The following KCNJ6 variants were observed in gnomAD, a reference collection of about 807,000 sequenced individuals.
KCNJ6 encodes the protein G protein-activated inward rectifier potassium channel 2.
A neutral mutation model predicts 34.2 loss-of-function variants in KCNJ6; 9 were observed. That is an observed-to-expected ratio of 0.26 (90% CI 0.16 to 0.46). The LOEUF (loss-of-function observed/expected upper bound fraction) is 0.46. Among genes scored for constraint, KCNJ6 ranks in the 20% least tolerant of loss-of-function variants. The pLI, the probability that KCNJ6 is intolerant of heterozygous loss-of-function variation, is 1.00. For missense variants in KCNJ6, 236 were observed against 531.3 expected (o/e 0.44, Z 5.46); for synonymous variants, 196 against 207.1 (o/e 0.95, Z 0.46).
At chr21:37,646,552 G>T (rs1316586759) in intron 3 of KCNJ6, among the ~76,000 whole-genome samples, 1 of 152,226 alleles carries the variant, frequency 6.6e-6, no homozygotes, top group East Asian at 1.9e-4. Context: ...TCTAGGGAGG[G>T]TTGGCATGTT....
At chr21:37,679,524 A>G (rs2054581471) in intron 3 of KCNJ6, among the ~76,000 whole-genome samples, 1 of 152,274 alleles carries the variant, frequency 6.6e-6, no homozygotes, top group Non-Finnish European at 1.5e-5. Context: ...TACTCAATGA[A>G]TGTTAGTTAT....
chr21:37,658,396 A>G, intron 3 of KCNJ6, among the ~76,000 whole-genome samples: 1 of 152,234 alleles, frequency 6.6e-6, no homozygotes, highest in East Asian at 1.9e-4. Context: ...GCCATTTAAA[A>G]TGGGTCCTGA....
At chr21:37,702,234 CAAAA>C (rs374421896) in intron 3 of KCNJ6, among the ~76,000 whole-genome samples, 1 of 97,810 alleles carries the variant, frequency 1.0e-5, no homozygotes, top group East Asian at 3.4e-4. Flanking sequence ...TTTTGTCTCA[CAAAA>C]AAAAAAAAAA....
intron 3 of KCNJ6, among the ~76,000 whole-genome samples, chr21:37,655,249 G>A (rs879544880): frequency 0.11 from 5,960 of 54,334 alleles, 220 homozygotes; most frequent in African/African-American, 0.17. Context: ...GAGAGAGAGA[G>A]AGAGAGAGAG....
chr21:37,848,172 T>C (rs2055519582), intron 1 of KCNJ6, among the ~76,000 whole-genome samples: 1 of 152,154 alleles, frequency 6.6e-6, no homozygotes, highest in Admixed American at 6.5e-5. Flanking sequence ...GTGAAGACCG[T>C]GGCAACCCAC....
chr21:37,834,516 C>T (rs994517690), intron 2 of KCNJ6, among the ~76,000 whole-genome samples: 3 of 152,256 alleles, frequency 2.0e-5, no homozygotes, highest in Non-Finnish European at 4.4e-5. Context: ...CTCTTGCCTC[C>T]TTTGCCCCCA....
rs185296107 is a variant in KCNJ6 at position 37,755,475 on chromosome 21, A to G, written c.26-40344T>C. On this transcript the variant is annotated intron_variant, in intron 2 of 3. Coordinates refer to ENST00000609713, the MANE Select transcript of KCNJ6 (RefSeq NM_002240.5). ...ATCTGGAATTCAAAGTCAAAACCAA[A>G]ACAAAACTAAAACCCAAAAAGAAAG... is the stretch of plus-strand genomic sequence containing the variant. Among the ~76,000 whole-genome samples the G allele has an allele frequency of 2.6e-5, 4 of 152,268 alleles. No homozygotes were observed. In the East Asian group the frequency reaches 7.7e-4, roughly 29 times the overall value.
At chr21:37,748,426 T>G (rs1203750301) in intron 2 of KCNJ6, among the ~76,000 whole-genome samples, 1 of 152,184 alleles carries the variant, frequency 6.6e-6, no homozygotes, top group Non-Finnish European at 1.5e-5. Flanking sequence ...AGGACTGGGA[T>G]CCATGGTTCG....
At chr21:37,742,724 T>G (rs2835919) in intron 2 of KCNJ6, among the ~76,000 whole-genome samples, 10,613 of 152,220 alleles carry the variant, frequency 0.07, 849 homozygotes, top group African/African-American at 0.19. Flanking sequence ...CAACATCCAC[T>G]TCATTTCTCA....
intron 3 of KCNJ6, among the ~76,000 whole-genome samples, chr21:37,649,132 CAAAA>C (rs1169306298): frequency 2.5e-5 from 1 of 40,034 alleles, no homozygotes; most frequent in Non-Finnish European, 5.2e-5. Flanking sequence ...GACTCCATCT[CAAAA>C]AAAAAAAAAA....
chr21:37,860,486 G>C (rs141571386), intron 1 of KCNJ6, among the ~76,000 whole-genome samples: 4 of 152,138 alleles, frequency 2.6e-5, no homozygotes, highest in Non-Finnish European at 4.4e-5. Context: ...CACTGGCTTC[G>C]AAGTAGAAAT....
chr21:37,766,851 C>T (rs1277273514), intron 2 of KCNJ6, among the ~76,000 whole-genome samples: 1 of 152,164 alleles, frequency 6.6e-6, no homozygotes, highest in Non-Finnish European at 1.5e-5. Context: ...GCATTAGATT[C>T]TTACAGAAGC....
chr21:37,733,594 ATTCACTT>A (rs2054897357), intron 2 of KCNJ6, among the ~76,000 whole-genome samples: 1 of 152,212 alleles, frequency 6.6e-6, no homozygotes, highest in Non-Finnish European at 1.5e-5. Context: ...CCTGAAAAAT[ATTCACTT>A]TTTTAGGGTT....
intron 2 of KCNJ6, among the ~76,000 whole-genome samples, chr21:37,745,540 A>G (rs1223380726): frequency 1.3e-5 from 2 of 152,192 alleles, no homozygotes; most frequent in African/African-American, 4.8e-5. Flanking sequence ...AAAGGAACAC[A>G]GCCCTGATGA....
chr21:37,911,720 C>T lies in KCNJ6; in HGVS notation c.-28+4164G>A, dbSNP rs1038427076. 5.9e-5 allele frequency among the ~76,000 whole-genome samples: 9 copies of T among 152,094 alleles called. No homozygotes were observed. In the East Asian group the frequency reaches 1.2e-3, roughly 20 times the overall value. On this transcript the variant is annotated intron_variant, in intron 1 of 3. Coordinates refer to ENST00000609713, the MANE Select transcript of KCNJ6 (RefSeq NM_002240.5). ...TACATATCATTTGATAAAGGAAGAACTGGTGAAAAAGAGAAGAGCTTCACC... is the reference window on the plus strand; with the variant it reads ...TACATATCATTTGATAAAGGAAGAATTGGTGAAAAAGAGAAGAGCTTCACC...
At chr21:37,700,512 G>A (rs780708205) in intron 3 of KCNJ6, among the ~76,000 whole-genome samples, 6 of 152,188 alleles carry the variant, frequency 3.9e-5, no homozygotes, top group Non-Finnish European at 5.9e-5. Flanking sequence ...GGGGAGTTGA[G>A]GGGATGAGAT....
intron 3 of KCNJ6, among the ~76,000 whole-genome samples, chr21:37,653,525 A>C (rs2054443681): frequency 6.6e-6 from 1 of 152,198 alleles, no homozygotes; most frequent in Non-Finnish European, 1.5e-5. Flanking sequence ...CGTAGGGTGA[A>C]TGATGATGGA....
At chr21:37,825,296 A>G (rs1444395436) in intron 2 of KCNJ6, among the ~76,000 whole-genome samples, 1 of 152,202 alleles carries the variant, frequency 6.6e-6, no homozygotes, top group Non-Finnish European at 1.5e-5. Context: ...CACTAAATAT[A>G]ATTCACTGAG....
intron 1 of KCNJ6, among the ~76,000 whole-genome samples, chr21:37,866,279 CA>C (rs1207216191): frequency 1.8e-4 from 28 of 152,330 alleles, no homozygotes; most frequent in Non-Finnish European, 2.2e-4. Context: ...TTACATAACA[CA>C]ATGTCTTGTA....
Sources: gnomAD v4.1 joint callset for allele counts (sites outside exome capture counted in the v4.1 genomes callset) on GRCh38, gnomAD v4.1.1 for gene constraint, MANE v1.5 for transcripts, NCBI Gene and HGNC (gene_info 2026-07-23, HGNC 2026-07-21) for gene names.